Variants in IRAK4 observed in about 807,000 individuals in gnomAD.
The protein encoded by IRAK4 is interleukin 1 receptor associated kinase 4.
In IRAK4, 44 loss-of-function variants were observed where a neutral mutation model predicts 51.8. The ratio of observed to expected loss-of-function variants is 0.85; its 90% confidence interval spans 0.67 to 1.09. The LOEUF (loss-of-function observed/expected upper bound fraction) is 1.09, where lower values mean the gene tolerates loss of function less well. Ranked by LOEUF, IRAK4 falls within the 50% of genes least tolerant of loss-of-function variation. The probability of loss-of-function intolerance (pLI) is 0.00; values close to 1 mark genes in which losing one functional copy is unlikely to be tolerated. For synonymous variants in IRAK4, 149 were observed against 174.1 expected, an observed-to-expected ratio of 0.86 and a Z score of 1.13; for missense variants, 487 against 538.0, an observed-to-expected ratio of 0.91 and a Z score of 0.94.
chr12:43,777,596 A>G, intron 6 of IRAK4, 34 bp from the exon 7 acceptor site: 1 of 1,569,238 alleles, frequency 6.4e-7, no homozygotes, highest in Non-Finnish European at 8.7e-7. Context: ...TATATTTATT[A>G]TAATAATTTT....
At chr12:43,777,812 T>A in intron 7 of IRAK4, 68 bp downstream of exon 7, 1 of 1,284,174 alleles carries the variant, frequency 7.8e-7, no homozygotes. Flanking sequence ...ATTCATTTTG[T>A]TACTGGATTA....
intron 10 of IRAK4, 28 bp from the exon 11 acceptor site, chr12:43,786,371 T>G: frequency 7.0e-7 from 1 of 1,419,148 alleles, no homozygotes; most frequent in East Asian, 2.3e-5. Context: ...GATTTGAAGC[T>G]CTTAAAGTTT....
chr12:43,765,286 G>A (rs138286658), intron 1 of IRAK4, among the ~76,000 whole-genome samples: 1 of 152,224 alleles, frequency 6.6e-6, no homozygotes, highest in African/African-American at 2.4e-5. Context: ...CTTCATTTAG[G>A]GCACAAACGA....
chr12:43,759,857 G>A (rs528584587), intron 1 of IRAK4, among the ~76,000 whole-genome samples: 16 of 139,162 alleles, frequency 1.1e-4, no homozygotes, highest in Middle Eastern at 3.9e-3. Context: ...AACAGAGGGA[G>A]ACTCCGTCTC....
intron 8 of IRAK4, among the ~76,000 whole-genome samples, chr12:43,778,626 C>T (rs568515570): frequency 6.6e-6 from 1 of 152,242 alleles, no homozygotes; most frequent in South Asian, 2.1e-4. Context: ...CCTTCATCCT[C>T]CATGAGTACT....
At chr12:43,773,247 A>G (rs1238269836) in intron 5 of IRAK4, among the ~76,000 whole-genome samples, 175 bp downstream of exon 5, 2 of 152,134 alleles carry the variant, frequency 1.3e-5, no homozygotes, top group African/African-American at 2.4e-5. Context: ...TATGGACCCT[A>G]CCCCTAGAAA....
intron 4 of IRAK4, 70 bp downstream of exon 4, chr12:43,772,432 T>G (rs1940865853): frequency 7.2e-7 from 1 of 1,384,642 alleles, no homozygotes; most frequent in Non-Finnish European, 1.0e-6. Flanking sequence ...AAAAGAAAGC[T>G]CTTGCTCTTT....
chr12:43,775,698 ATACT>A (rs1941195924), intron 6 of IRAK4, among the ~76,000 whole-genome samples: 1 of 152,188 alleles, frequency 6.6e-6, no homozygotes, highest in Non-Finnish European at 1.5e-5. Flanking sequence ...AAATGCAGTT[ATACT>A]TACTTTATCA....
Position 43,772,345 on chromosome 12 carries a change from T to G in IRAK4, c.473T>G (p.Leu158Ter). 1 of 1,612,730 alleles carries G rather than the reference T, an allele frequency of 6.2e-7. No individual in the cohort carries two copies. ...PDSSSPENKS[L>*]EVSDTRFHSF... Reference sequence around the variant, plus strand: ...TCCTCAAGTCCAGAAAATAAAAGTTTAGAAGTTAGTGATACACGTAAGTAA... The same window carrying G: ...TCCTCAAGTCCAGAAAATAAAAGTTGAGAAGTTAGTGATACACGTAAGTAA... Residue 158 changes from leucine to a stop codon, truncating the protein, a stop_gained, in exon 4 of 12, where the codon TTA (leucine) becomes TGA (stop). Transcript: ENST00000613694. LOFTEE classifies it high-confidence loss of function.
In IRAK4 at chr12:43,772,946, T is replaced by A; in HGVS notation, c.525T>A (p.Asn175Lys). Reference sequence around the variant, plus strand: ...GTTTTTCATTTTATGAATTGAAGAATGTCACAAATAACTTTGATGAACGAC... The same window carrying A: ...GTTTTTCATTTTATGAATTGAAGAAAGTCACAAATAACTTTGATGAACGAC... ...FHSFSFYELK[N>K]VTNNFDERPI... The change falls in exon 5 of 12, where the codon AAT (asparagine) becomes AAA (lysine). Residue 175 changes from asparagine to lysine, a missense_variant. Coordinates refer to ENST00000613694, the MANE Select transcript of IRAK4 (RefSeq NM_016123.4). 1 of 1,610,602 alleles carries A rather than the reference T, an allele frequency of 6.2e-7. No individual in the cohort carries two copies. Among genetic ancestry groups the A allele is most frequent in the Non-Finnish European group, 8.5e-7 (1 of 1,177,982 alleles).
chr12:43,771,207 A>G lies in IRAK4; in HGVS notation c.162-13A>G. 6.2e-7 allele frequency: 1 copy of G among 1,610,884 alleles called. No individual in the cohort carries two copies. The highest frequency in any genetic ancestry group is 8.5e-7 in the Non-Finnish European group (1 of 1,177,360). On this transcript the variant is annotated splice_polypyrimidine_tract_variant and intron_variant, in intron 2 of 11. Transcript: ENST00000613694. The stretch of plus-strand genomic sequence containing the variant: ...AATAGACTAATTTTGTTTCTTTGTT[A>G]CTTACTTTTAAGGAGATTTGAAGCA...
intron 2 of IRAK4, among the ~76,000 whole-genome samples, chr12:43,769,057 A>G (rs527413330): frequency 4.6e-5 from 7 of 152,332 alleles, no homozygotes; most frequent in Non-Finnish European, 7.3e-5. Context: ...TGTTAAGCCA[A>G]TGTTTAAAGA....
chr12:43,777,817 G>A, intron 7 of IRAK4, 73 bp downstream of exon 7: 1 of 1,261,644 alleles, frequency 7.9e-7, no homozygotes, highest in South Asian at 1.2e-5. Flanking sequence ...TTTTGTTACT[G>A]GATTATTTAA....
intron 1 of IRAK4, among the ~76,000 whole-genome samples, chr12:43,763,806 A>C (rs1261125690): frequency 1.3e-5 from 2 of 150,620 alleles, no homozygotes; most frequent in Non-Finnish European, 2.9e-5. Flanking sequence ...CTTTTTCACT[A>C]TAGCTGTTCC....
intron 1 of IRAK4, chr12:43,759,239 G>C (rs1220107226): frequency 6.6e-6 from 1 of 152,320 alleles, no homozygotes; most frequent in Non-Finnish European, 1.5e-5. Context: ...CGGCCCTGAG[G>C]AAGAGCCTGA....
At chr12:43,771,439 T>C (rs1940751955) in intron 3 of IRAK4, 74 bp downstream of exon 3, 1 of 1,474,404 alleles carries the variant, frequency 6.8e-7, no homozygotes, top group East Asian at 2.3e-5. Flanking sequence ...TGTTTCTTCT[T>C]ACTCTTCCTT....
rs1406616625 is a variant in IRAK4, at chr12:43,771,022, G to A, written c.162-198G>A. 7.2e-6 allele frequency: 5 copies of A among 690,172 alleles called. No homozygotes were observed. In the African/African-American group the frequency reaches 8.9e-5, roughly 12 times the overall value. The allele number at this position is 690,172 out of a possible 1,614,324, so 42.8% of individuals were successfully genotyped here. A position where few individuals can be genotyped will look rare whatever the true frequency, so the allele number is the denominator to read the frequency against. On this transcript the variant is annotated intron_variant, in intron 2 of 11. Transcript: ENST00000613694. ...CGTGTGCATGCTCTTTTGCCCTTCT[G>A]CCCTTCCACCATGAGATGATGTAGC...
chr12:43,787,720 T>C lies in IRAK4; in HGVS notation c.*1005T>C, dbSNP rs1942305174. On this transcript the variant is annotated 3_prime_UTR_variant, in exon 12 of 12. Coordinates refer to ENST00000613694, the MANE Select transcript of IRAK4 (RefSeq NM_016123.4). ...GCATGATCCTCAGTATGAGAATCTA[T>C]CTGTTCTGTGCTGGACTTCTAATAT... 6.6e-6 allele frequency: 1 copy of C among 152,324 alleles called. No individual in the cohort carries two copies. Among genetic ancestry groups the C allele is most frequent in the East Asian group, 1.9e-4 (1 of 5,180 alleles). 9.4% of individuals were successfully genotyped at this position (152,324 alleles called of 1,614,324 possible).
intron 8 of IRAK4, among the ~76,000 whole-genome samples, chr12:43,781,655 T>C (rs1332282837): frequency 2.0e-5 from 3 of 152,208 alleles, no homozygotes; most frequent in Non-Finnish European, 4.4e-5. Context: ...ATTACCATTG[T>C]TTTAAAAAAT....
Sources: gnomAD v4.1 joint callset for allele counts (sites outside exome capture counted in the v4.1 genomes callset) on GRCh38, gnomAD v4.1.1 for gene constraint, MANE v1.5 for transcripts, NCBI Gene and HGNC (gene_info 2026-07-23, HGNC 2026-07-21) for gene names.